METTL16: variants seen among roughly 807,000 people sequenced by gnomAD.
The protein encoded by METTL16 is RNA N(6)-adenosine-methyltransferase METTL16.
Under a neutral mutation model 57.9 loss-of-function variants are expected in METTL16, and 19 were observed. That is an observed-to-expected ratio of 0.33 (90% CI 0.23 to 0.48). The LOEUF is 0.48. METTL16 is among the 20% of genes least tolerant of loss of function. The pLI, the probability that METTL16 is intolerant of heterozygous loss-of-function variation, is 0.99. For missense variants in METTL16, 434 were observed against 691.5 expected (o/e 0.63, Z 4.18); for synonymous variants, 246 against 255.6 (o/e 0.96, Z 0.36).
At chr17:2,439,053 T>C (rs2066928427) in intron 7 of METTL16, among the ~76,000 whole-genome samples, 1 of 152,136 alleles carries the variant, frequency 6.6e-6, no homozygotes, top group Non-Finnish European at 1.5e-5. Flanking sequence ...TGACTCACAC[T>C]AAAAACCAGA....
intron 5 of METTL16, among the ~76,000 whole-genome samples, chr17:2,466,667 G>A (rs544227789): frequency 6.6e-6 from 1 of 152,194 alleles, no homozygotes; most frequent in East Asian, 1.9e-4. Flanking sequence ...AATTTCACCT[G>A]CCCACATCAT....
intron 3 of METTL16, among the ~76,000 whole-genome samples, chr17:2,474,027 A>G (rs1366919503): frequency 6.6e-6 from 1 of 152,094 alleles, no homozygotes; most frequent in Non-Finnish European, 1.5e-5. Flanking sequence ...CCTACCTCCT[A>G]ATTAGATCCA....
In METTL16 at chr17:2,477,708, A is replaced by G. The variant is rs1470438763; in HGVS notation, c.306T>C (p.Thr102=). Residue 102 remains threonine (T), a synonymous_variant, in exon 3 of 10, where the codon ACT becomes ACC. Transcript: ENST00000263092. ...TACCTATGTCAATTCCTCTTCGGAG[A>G]GTACTTTTGTCAGAATCCTGGTGAC... ...LIGHQDSDKS[T]LRRGIDIGTG... 3 of 1,613,440 alleles carry G rather than the reference A, an allele frequency of 1.9e-6. No individual in the cohort carries two copies. Among genetic ancestry groups the G allele is most frequent in the East Asian group, 4.5e-5 (2 of 44,892 alleles).
Position 2,464,299 on chromosome 17 carries a change from C to G in METTL16, c.637G>C (p.Gly213Arg). ...RRPPPSSVNT[G>R]GITEIMAEGG... ...TCTGCCATGATCTCTGTGATGCCTC[C>G]TGTATTAACAGAACTAGGCGGAGGT... The change falls in exon 6 of 10, where the codon GGA (glycine) becomes CGA (arginine). Residue 213 changes from glycine (G) to arginine (R), a missense_variant. Gly to Arg is a moderately radical substitution (Grantham distance 125, BLOSUM62 -2). Transcript: ENST00000263092. The G allele has an allele frequency of 6.2e-7, 1 of 1,613,802 alleles. No individual in the cohort carries two copies. The highest frequency in any genetic ancestry group is 8.5e-7 in the Non-Finnish European group (1 of 1,179,888).
At chr17:2,433,347 GC>G (rs897399142) in intron 8 of METTL16, among the ~76,000 whole-genome samples, 3 of 152,206 alleles carry the variant, frequency 2.0e-5, no homozygotes, top group Non-Finnish European at 4.4e-5. Flanking sequence ...GATCTGGGAG[GC>G]CCAAGGAGCC....
chr17:2,427,286 C>T (rs549452209), intron 8 of METTL16, among the ~76,000 whole-genome samples: 1 of 152,054 alleles, frequency 6.6e-6, no homozygotes, highest in African/African-American at 2.4e-5. Context: ...TTTTTCATTT[C>T]ACAGGTAGAG....
chr17:2,458,404 T>C (rs1416356530), intron 6 of METTL16, among the ~76,000 whole-genome samples: 2 of 131,538 alleles, frequency 1.5e-5, no homozygotes, highest in Non-Finnish European at 3.1e-5. Context: ...GTGTGGAGAA[T>C]AAATTAAAAA....
chr17:2,465,543 T>TTCCCCACACCCCCCGAC (rs1242947632), intron 5 of METTL16, among the ~76,000 whole-genome samples: 1 of 87,290 alleles, frequency 1.1e-5, no homozygotes, highest in African/African-American at 5.5e-5. Context: ...CAAGACTCCA[T>TTCCCCACACCCCCCGAC]CTCAAAAAAA....
Position 2,473,504 on chromosome 17 carries a change from A to T in METTL16, c.469+20T>A. 2.5e-6 allele frequency: 4 copies of T among 1,600,830 alleles called. No individual in the cohort carries two copies. The highest frequency in any genetic ancestry group is 3.4e-6 in the Non-Finnish European group (4 of 1,174,298). On this transcript the variant is annotated intron_variant, in intron 4 of 9. Coordinates refer to ENST00000263092, the MANE Select transcript of METTL16 (RefSeq NM_024086.4). ...AGGTGAAGACACAAAGTTTGGAGGC[A>T]TTCATTCTGTGGCGCTAACCTTTTA...
chr17:2,505,777 C>A (rs2067528323), intron 1 of METTL16, among the ~76,000 whole-genome samples: 1 of 152,038 alleles, frequency 6.6e-6, no homozygotes, highest in Non-Finnish European at 1.5e-5. Context: ...TTTCCAAACA[C>A]AAATCTCAGT....
intron 6 of METTL16, among the ~76,000 whole-genome samples, chr17:2,456,060 TCCTA>T (rs2067108065): frequency 6.6e-6 from 1 of 152,116 alleles, no homozygotes; most frequent in Non-Finnish European, 1.5e-5. Flanking sequence ...TCCTTCTTTT[TCCTA>T]CCTTAGTATG....
chr17:2,455,054 G>C (rs1281048988), intron 6 of METTL16: 2 of 167,812 alleles, frequency 1.2e-5, no homozygotes, highest in Non-Finnish European at 2.6e-5. Flanking sequence ...CCAAGCAGCT[G>C]GGATTACAGG....
intron 6 of METTL16, among the ~76,000 whole-genome samples, chr17:2,448,127 T>C (rs1404749073): frequency 1.2e-4 from 12 of 99,592 alleles, no homozygotes; most frequent in African/African-American, 1.9e-4. Context: ...GGTGGGGGGG[T>C]CAGCCCCCCG....
chr17:2,493,215 A>G (rs527803643), intron 2 of METTL16, among the ~76,000 whole-genome samples: 125 of 146,818 alleles, frequency 8.5e-4, no homozygotes, highest in Non-Finnish European at 1.4e-3. Flanking sequence ...CAGCCTCCTG[A>G]GTAGCTGGGA....
intron 1 of METTL16, among the ~76,000 whole-genome samples, chr17:2,504,576 G>A (rs2067515766): frequency 6.6e-6 from 1 of 152,078 alleles, no homozygotes; most frequent in Non-Finnish European, 1.5e-5. Context: ...TTTGTTCTGA[G>A]ACAGTGTCTC....
rs1390240359 is a variant in METTL16, at chr17:2,447,077, G to C, written c.729-5518C>G. On this transcript the variant is annotated intron_variant, in intron 6 of 9. Transcript: ENST00000263092. ...ATATGAGGAGCCTCTCTGCCTGGCT[G>C]CCCAGTCTGGAAAGTGAGGAGCGTC... 4.1e-5 allele frequency among the ~76,000 whole-genome samples: 6 copies of C among 146,570 alleles called. No homozygotes were observed. In the South Asian group the frequency reaches 6.6e-4, roughly 16 times the overall value.
intron 3 of METTL16, among the ~76,000 whole-genome samples, chr17:2,476,709 A>G (rs895728264): frequency 6.6e-6 from 1 of 152,234 alleles, no homozygotes; most frequent in African/African-American, 2.4e-5. Flanking sequence ...TAATCCCAGC[A>G]CTTTGGGAGG....
At chr17:2,456,626 C>T (rs1295228820) in intron 6 of METTL16, among the ~76,000 whole-genome samples, 2 of 152,162 alleles carry the variant, frequency 1.3e-5, no homozygotes, top group Non-Finnish European at 2.9e-5. Context: ...AGGAACATGC[C>T]ACCACACACC....
At chr17:2,448,944 T>C (rs2067048144) in intron 6 of METTL16, among the ~76,000 whole-genome samples, 2 of 150,048 alleles carry the variant, frequency 1.3e-5, no homozygotes, top group Admixed American at 1.3e-4. Flanking sequence ...TGAGAATCGC[T>C]TGAACCTGGG....
Sources: allele counts gnomAD v4.1 joint callset (sites outside exome capture counted in the v4.1 genomes callset), GRCh38; gene constraint gnomAD v4.1.1; transcripts MANE v1.5; gene names NCBI Gene and HGNC (gene_info 2026-07-23, HGNC 2026-07-21).